The following HDAC2 variants were observed in gnomAD, a reference collection of about 807,000 sequenced individuals.
HDAC2 encodes the protein YY1-associated factor 1.
Under a neutral mutation model 68.5 loss-of-function variants are expected in HDAC2, and 5 were observed. That is an observed-to-expected ratio of 0.07 (90% CI 0.04 to 0.15). The LOEUF is 0.15. HDAC2 is among the 10% of genes least tolerant of loss of function. The pLI, the probability that HDAC2 is intolerant of heterozygous loss-of-function variation, is 1.00. For synonymous variants in HDAC2, 182 were observed against 191.3 expected (o/e 0.95, Z 0.40); for missense variants, 291 against 600.8 (o/e 0.48, Z 5.39).
At chr6:113,946,919 A>C (rs577848724) in intron 8 of HDAC2, 1 of 152,226 alleles carries the variant, frequency 6.6e-6, no homozygotes, top group Admixed American at 6.5e-5. Flanking sequence ...CAATGAAAAA[A>C]CTAACCACCT....
chr6:113,949,578 C>T (rs77564240), intron 6 of HDAC2, among the ~76,000 whole-genome samples: 187 of 152,122 alleles, frequency 1.2e-3, no homozygotes, highest in African/African-American at 4.4e-3. Context: ...ACCAGAAAAT[C>T]CATCATAAAT....
rs557791914 is a variant in HDAC2, at chr6:113,955,826, A to C, written c.497+187T>G. 1.4e-3 allele frequency: 737 copies of C among 527,788 alleles called. 19 individuals carry two copies. The South Asian group carries it at 0.022, about 16-fold the overall frequency. The allele number at this position is 527,788 out of a possible 1,614,324, so 32.7% of individuals were successfully genotyped here. A position where few individuals can be genotyped will look rare whatever the true frequency, so the allele number is the denominator to read the frequency against. On this transcript the variant is annotated intron_variant, in intron 5 of 13. Transcript: ENST00000519065. ...GTGCCTGGCCACACTTCTAAGTCTT[A>C]ATAATTGAAGAATTGGGCAAATTTC... is the stretch of plus-strand genomic sequence containing the variant.
In HDAC2 at chr6:113,955,519, C is replaced by G. The variant is rs538905661; in HGVS notation, c.497+494G>C. On this transcript the variant is annotated intron_variant, in intron 5 of 13. Transcript: ENST00000519065. ...AGCCACGGCACTGGCCTTTTATACA[C>G]TTCTAATTCTTTTTTTAAGGCAGGG... Among the ~76,000 whole-genome samples the G allele has an allele frequency of 1.8e-4, 27 of 152,072 alleles. No individual in the cohort carries two copies. In the South Asian group the frequency reaches 2.9e-3, roughly 16 times the overall value.
intron 8 of HDAC2, chr6:113,947,898 T>C (rs1776300892): frequency 6.6e-6 from 1 of 152,148 alleles, no homozygotes; most frequent in African/African-American, 2.4e-5. Flanking sequence ...TGGAGAAAGT[T>C]CTATTTGAGA....
At position 113,971,106 on chromosome 6, in the gene HDAC2, C is replaced by G. The variant is rs756770757; in HGVS notation, c.-198G>C. ...TACCACCCGGCAGAGGTGCCGAAAG[C>G]TCGGAATCGGAGGTGGCAGCGGCAC... On this transcript the variant is annotated 5_prime_UTR_variant, in exon 1 of 14. Transcript: ENST00000519065. 2.6e-6 allele frequency: 4 copies of G among 1,546,080 alleles called. No homozygotes were observed. The South Asian group carries it at 4.8e-5, about 18-fold the overall frequency.
rs1172821563 is a variant in HDAC2 at position 113,943,380 on chromosome 6, T to C, written c.1349A>G (p.Asp450Gly). 1.9e-6 allele frequency: 3 copies of C among 1,609,406 alleles called. No homozygotes were observed. The highest frequency in any genetic ancestry group is 1.7e-6 in the Non-Finnish European group (2 of 1,178,816). The change falls in exon 12 of 14, where the codon GAT becomes GGT. Residue 450 changes from aspartate (D) to glycine (G), a missense_variant. Physicochemically the swap from Asp to Gly is moderately conservative, Grantham distance 94 (BLOSUM62 -1). Around this residue, in one of 2 missense-constraint regions of HDAC2, gnomAD observed 137 missense variants for 128.7 expected, o/e 1.06. Transcript: ENST00000519065. ...KGAKKARIEE[D>G]KKETEDKKTD... is the part of the protein sequence containing the mutation. ...TTTTTTGTCCTCTGTTTCTTTCTTA[T>C]CTTCTTCAATTCTAGCTTTCTTTGC...
At chr6:113,960,811 A>T (rs532669723) in intron 1 of HDAC2, among the ~76,000 whole-genome samples, 29 of 152,050 alleles carry the variant, frequency 1.9e-4, no homozygotes, top group Non-Finnish European at 2.9e-4. Context: ...TATAAAGTCA[A>T]CCCTCTGTAT....
rs1776257912 is a variant in HDAC2 at position 113,946,106 on chromosome 6, G to C, written c.884C>G (p.Pro295Arg). 1 of 1,612,796 alleles carries C rather than the reference G, an allele frequency of 6.2e-7. No homozygotes were observed. The highest frequency in any genetic ancestry group is 1.1e-5 in the South Asian group (1 of 91,058). The change falls in exon 9 of 14, where the codon CCA (proline) becomes CGA (arginine). Residue 295 changes from proline to arginine, a missense_variant. Physicochemically the swap from Pro to Arg is moderately radical, Grantham distance 103 (BLOSUM62 -2). This residue lies in a region of HDAC2 where 154 missense variants were observed against 472.1 expected (regional missense o/e 0.33). Transcript: ENST00000519065. ...GCCACCTCCTCCAAGCATCAGTAAT[G>C]GTAAGTTAAAAGTTTTTACAACTTC... ...CVEVVKTFNL[P>R]LLMLGGGGYT...
At chr6:113,969,571 C>T (rs1008419083) in intron 1 of HDAC2, 1 of 152,154 alleles carries the variant, frequency 6.6e-6, no homozygotes, top group African/African-American at 2.4e-5. Context: ...AGGATAGATT[C>T]TCTGTTAAAT....
At chr6:113,960,935 G>GT (rs886873941) in intron 1 of HDAC2, among the ~76,000 whole-genome samples, 7 of 152,184 alleles carry the variant, frequency 4.6e-5, no homozygotes, top group Admixed American at 4.6e-4. Flanking sequence ...ATCATACAGT[G>GT]TAACAACTAT....
chr6:113,945,351 T>A lies in HDAC2; in HGVS notation c.1091+11A>T. The stretch of plus-strand genomic sequence containing the variant: ...TAAAATGTTTATCAAAACAATTCAA[T>A]GATTTCTTACTTTATCTTTTCCATA... On this transcript the variant is annotated intron_variant, in intron 10 of 13. Coordinates refer to ENST00000519065, the MANE Select transcript of HDAC2 (RefSeq NM_001527.4). 1 of 1,189,382 alleles carries A rather than the reference T, an allele frequency of 8.4e-7. No homozygotes were observed. 73.7% of individuals were successfully genotyped at this position (1,189,382 alleles called of 1,614,324 possible).
intron 5 of HDAC2, among the ~76,000 whole-genome samples, chr6:113,955,739 G>A (rs979414709): frequency 9.2e-5 from 14 of 151,422 alleles, no homozygotes; most frequent in African/African-American, 3.4e-4. Context: ...TCAAACTCCT[G>A]GGCTCAAGAG....
Position 113,940,894 on chromosome 6 carries a change from CAAT to C in HDAC2, c.*161_*163del, listed in dbSNP as rs1322336968. 7.9e-6 allele frequency: 4 copies of C among 504,148 alleles called. No homozygotes were observed. Among genetic ancestry groups the C allele is most frequent in the East Asian group, 6.3e-5 (2 of 31,884 alleles). The allele number at this position is 504,148 out of a possible 1,614,324, so 31.2% of individuals were successfully genotyped here. On this transcript the variant is annotated 3_prime_UTR_variant, in exon 14 of 14. Coordinates refer to ENST00000519065, the MANE Select transcript of HDAC2 (RefSeq NM_001527.4). ...TTTGCTTCATAATTAGAAAAACTCA[CAAT>C]AAAACTTGCCAAGAAAAACAAAAAC...
chr6:113,949,400 C>A (rs954143871), intron 6 of HDAC2, 140 bp from the exon 7 acceptor site: 12 of 625,630 alleles, frequency 1.9e-5, no homozygotes, highest in Non-Finnish European at 3.2e-5. Flanking sequence ...GAGACCGGAA[C>A]AATCAAACTG....
At position 113,959,981 on chromosome 6, in the gene HDAC2, G is replaced by A; in HGVS notation, c.90C>T (p.Pro30=). The stretch of plus-strand genomic sequence containing the variant: ...TCATGCGGATTCTATGAGGCTTCAT[G>A]GGATGACCCTGTCCATAATAATAAT... ...IGNYYYGQGH[P]MKPHRIRMTH... Residue 30 remains proline, a synonymous_variant, in exon 2 of 14, where the codon CCC becomes CCT. Transcript: ENST00000519065. 6.3e-7 allele frequency: 1 copy of A among 1,585,746 alleles called. No homozygotes were observed. The highest frequency in any genetic ancestry group is 8.7e-7 in the Non-Finnish European group (1 of 1,154,542).
intron 5 of HDAC2, among the ~76,000 whole-genome samples, chr6:113,955,358 C>T (rs577107030): frequency 3.0e-4 from 45 of 151,598 alleles, no homozygotes; most frequent in Middle Eastern, 3.4e-3. Flanking sequence ...GGATTACAGG[C>T]GCACGCCACC....
intron 6 of HDAC2, among the ~76,000 whole-genome samples, chr6:113,952,928 A>AT (rs1354111012): frequency 2.0e-5 from 3 of 152,194 alleles, no homozygotes; most frequent in African/African-American, 7.2e-5. Context: ...GACCTAGTCT[A>AT]TTTTATTCCA....
In HDAC2 at chr6:113,953,345, T is replaced by C. The variant is rs779206021; in HGVS notation, c.571A>G (p.Thr191Ala). The C allele has an allele frequency of 1.3e-6, 2 of 1,598,974 alleles. No individual in the cohort carries two copies. ...AATGATACCGTCATTACACGATCTG[T>C]TGTATAAAAAGCTTCTTCAACACCA... ...GDGVEEAFYT[T>A]DRVMTVSFHK... Residue 191 changes from threonine (T) to alanine (A), a missense_variant, in exon 6 of 14, where the codon ACA becomes GCA. This residue lies in a region of HDAC2 where 154 missense variants were observed against 472.1 expected (regional missense o/e 0.33). Transcript: ENST00000519065.
chr6:113,942,857 C>A (rs962658132), intron 12 of HDAC2, among the ~76,000 whole-genome samples: 2 of 152,082 alleles, frequency 1.3e-5, no homozygotes, highest in Non-Finnish European at 2.9e-5. Flanking sequence ...GTCCCAAATC[C>A]CCTCCTAGCT....
Sources: gnomAD v4.1 joint callset for allele counts (sites outside exome capture counted in the v4.1 genomes callset) on GRCh38, gnomAD v4.1.1 for gene constraint, gnomAD v4.1.1 regional missense constraint, MANE v1.5 for transcripts, NCBI Gene and HGNC (gene_info 2026-07-23, HGNC 2026-07-21) for gene names.